Variants in EPM2A observed in about 807,000 individuals in gnomAD.
EPM2A encodes laforin.
Under a neutral mutation model 26.5 loss-of-function variants are expected in EPM2A, and 21 were observed. That is an observed-to-expected ratio of 0.79 (90% CI 0.56 to 1.14). The LOEUF is 1.14. Among genes scored for constraint, EPM2A ranks in the 50% most tolerant of loss-of-function variants. The pLI, the probability that EPM2A is intolerant of heterozygous loss-of-function variation, is 0.00. For missense variants in EPM2A, 458 were observed against 440.8 expected (o/e 1.04, Z -0.35); for synonymous variants, 217 against 177.6 (o/e 1.22, Z -1.76).
intron 1 of EPM2A, among the ~76,000 whole-genome samples, chr6:145,712,178 G>A (rs1008317016): frequency 5.9e-5 from 9 of 152,002 alleles, no homozygotes; most frequent in African/African-American, 1.7e-4. Context: ...TTTTAAGAAG[G>A]GGTGAGATGA....
intron 2 of EPM2A, among the ~76,000 whole-genome samples, chr6:145,676,594 G>C (rs1191985534): frequency 6.6e-6 from 1 of 151,952 alleles, no homozygotes; most frequent in Non-Finnish European, 1.5e-5. Flanking sequence ...TGATAAAGAA[G>C]ATATCACCAC....
At chr6:145,584,294 G>A (rs2114839656) in intron 2 of EPM2A, among the ~76,000 whole-genome samples, 1 of 152,200 alleles carries the variant, frequency 6.6e-6, no homozygotes, top group South Asian at 2.1e-4. Flanking sequence ...GTATGATGAA[G>A]GCCCCTGCAA....
intron 4 of EPM2A, among the ~76,000 whole-genome samples, chr6:145,482,202 A>G (rs988933914): frequency 6.6e-6 from 1 of 152,198 alleles, no homozygotes; most frequent in African/African-American, 2.4e-5. Flanking sequence ...TTTCAGTAGC[A>G]CTATTAGTTG....
chr6:145,666,665 T>G (rs1488174918), intron 2 of EPM2A, among the ~76,000 whole-genome samples: 1 of 120,516 alleles, frequency 8.3e-6, no homozygotes, highest in Non-Finnish European at 1.7e-5. Context: ...AAAAACTACT[T>G]TAAAGTTCAT....
At chr6:145,426,455 A>T (rs889954168) in intron 4 of EPM2A, among the ~76,000 whole-genome samples, 1 of 152,240 alleles carries the variant, frequency 6.6e-6, no homozygotes, top group African/African-American at 2.4e-5. Context: ...TTAACAGTGT[A>T]GCATATGTTA....
intron 4 of EPM2A, among the ~76,000 whole-genome samples, chr6:145,466,408 G>T (rs1385681631): frequency 6.6e-6 from 1 of 152,124 alleles, no homozygotes; most frequent in Non-Finnish European, 1.5e-5. Flanking sequence ...ATCATCACTG[G>T]CCATCAGAGA....
At chr6:145,608,683 G>A (rs771501312) in intron 2 of EPM2A, among the ~76,000 whole-genome samples, 2 of 152,158 alleles carry the variant, frequency 1.3e-5, no homozygotes, top group Non-Finnish European at 2.9e-5. Flanking sequence ...CCTGGATTAA[G>A]TTTGCTGTAT....
chr6:145,637,610 A>G (rs1274274098), intron 2 of EPM2A: 1 of 152,234 alleles, frequency 6.6e-6, no homozygotes, highest in Non-Finnish European at 1.5e-5. Flanking sequence ...GGTGATGGAA[A>G]GAGAGGCATG....
intron 4 of EPM2A, among the ~76,000 whole-genome samples, chr6:145,482,506 G>A (rs1369895453): frequency 6.6e-6 from 1 of 152,060 alleles, no homozygotes; most frequent in African/African-American, 2.4e-5. Context: ...TACCAATAAA[G>A]AGCCTCTATT....
At chr6:145,451,949 C>T (rs907829889) in intron 4 of EPM2A, among the ~76,000 whole-genome samples, 1 of 152,082 alleles carries the variant, frequency 6.6e-6, no homozygotes, top group African/African-American at 2.4e-5. Flanking sequence ...TCTAGAAAAC[C>T]ACGGATAGAA....
intron 4 of EPM2A, among the ~76,000 whole-genome samples, chr6:145,427,742 T>C (rs1323495915): frequency 6.6e-6 from 1 of 152,230 alleles, no homozygotes; most frequent in Non-Finnish European, 1.5e-5. Flanking sequence ...TTTTTCAATA[T>C]GTAACATGTC....
intron 1 of EPM2A, among the ~76,000 whole-genome samples, chr6:145,710,028 A>G (rs1453339792): frequency 1.3e-5 from 2 of 152,208 alleles, no homozygotes; most frequent in Admixed American, 1.3e-4. Context: ...AAGAAAACCT[A>G]GGCAATACCA....
At chr6:145,697,403 G>A (rs925896652) in intron 1 of EPM2A, among the ~76,000 whole-genome samples, 3 of 152,086 alleles carry the variant, frequency 2.0e-5, no homozygotes, top group Non-Finnish European at 2.9e-5. Flanking sequence ...CCACAGGACC[G>A]GGGCAAAATT....
intron 4 of EPM2A, among the ~76,000 whole-genome samples, chr6:145,419,180 T>TC (rs1362241033): frequency 0.024 from 712 of 29,244 alleles, 6 homozygotes; most frequent in Non-Finnish European, 0.028. Flanking sequence ...CTGTTAAATG[T>TC]CCCCCCCCCC....
Position 145,418,093 on chromosome 6 carries a change from A to T in EPM2A, c.556-33996T>A, listed in dbSNP as rs553387554. The stretch of plus-strand genomic sequence containing the variant: ...AGAAGAAGAGCAGAGCCAGGGGAAA[A>T]GTCTGTAGTCACCTGGGCCAGCCAT... On this transcript the variant is annotated intron_variant, in intron 4 of 4. Coordinates refer to the EPM2A transcript ENST00000638717. Among the ~76,000 whole-genome samples the T allele has an allele frequency of 2.6e-5, 4 of 152,248 alleles. No individual in the cohort carries two copies. The East Asian group carries it at 7.7e-4, about 29-fold the overall frequency.
At chr6:145,712,857 A>G (rs1352121399) in intron 1 of EPM2A, among the ~76,000 whole-genome samples, 1 of 152,058 alleles carries the variant, frequency 6.6e-6, no homozygotes, top group Non-Finnish European at 1.5e-5. Flanking sequence ...GCTCTTTCTG[A>G]CTTCTTTTTG....
At chr6:145,654,102 C>T (rs1294279658) in intron 2 of EPM2A, among the ~76,000 whole-genome samples, 2 of 152,190 alleles carry the variant, frequency 1.3e-5, no homozygotes, top group African/African-American at 4.8e-5. Flanking sequence ...TTATCTTCCA[C>T]TGTCCTGATC....
intron 4 of EPM2A, among the ~76,000 whole-genome samples, chr6:145,419,188 C>T (rs111766628): frequency 1.3e-5 from 2 of 150,542 alleles, no homozygotes; most frequent in Non-Finnish European, 3.0e-5. Context: ...TGTCCCCCCC[C>T]CCCGCTCCTT....
At chr6:145,561,310 T>C (rs1319300293) in intron 2 of EPM2A, among the ~76,000 whole-genome samples, 3 of 152,154 alleles carry the variant, frequency 2.0e-5, no homozygotes, top group Non-Finnish European at 4.4e-5. Flanking sequence ...CCATCTGCTA[T>C]TGTGTAAGTA....
Sources: gnomAD v4.1 joint callset for allele counts (sites outside exome capture counted in the v4.1 genomes callset) on GRCh38, gnomAD v4.1.1 for gene constraint, MANE v1.5 for transcripts, NCBI Gene and HGNC (gene_info 2026-07-23, HGNC 2026-07-21) for gene names.